The following LRRIQ1 variants were observed in gnomAD, a reference collection of about 807,000 sequenced individuals.
LRRIQ1 encodes leucine-rich repeat- and IQ domain-containing protein 1.
Under a neutral mutation model 211.9 loss-of-function variants are expected in LRRIQ1, and 210 were observed. The ratio of observed to expected loss-of-function variants is 0.99; its 90% confidence interval spans 0.89 to 1.11. LRRIQ1 has a LOEUF of 1.11. Ranked by LOEUF, LRRIQ1 falls within the 50% of genes most tolerant of loss-of-function variation. The probability of loss-of-function intolerance (pLI) is 0.00; values close to 1 mark genes in which losing one functional copy is unlikely to be tolerated. For synonymous variants in LRRIQ1, 699 were observed against 650.1 expected (o/e 1.08, Z -1.14); for missense variants, 2,136 against 1,939.5 (o/e 1.10, Z -1.90).
chr12:85,065,437 A>T, intron 9 of LRRIQ1, 23 bp downstream of exon 9: 1 of 1,510,898 alleles, frequency 6.6e-7, no homozygotes, highest in Non-Finnish European at 8.9e-7. Flanking sequence ...CCCTACTGTT[A>T]TTTATTTTAT....
Position 85,133,671 on chromosome 12 carries a change from A to C in LRRIQ1, c.4210-4179A>C, listed in dbSNP as rs545347935. ...GGATAATTGAATTTTCAAGCCAGAC[A>C]TGTTGGATGGGTAAAGGAGTAGAGT... is the stretch of plus-strand genomic sequence containing the variant. On this transcript the variant is annotated intron_variant, in intron 18 of 26. Transcript: ENST00000393217. Among the ~76,000 whole-genome samples, 3 of 152,212 alleles carry C rather than the reference A, an allele frequency of 2.0e-5. No homozygotes were observed. The East Asian group carries it at 5.8e-4, about 30-fold the overall frequency.
intron 15 of LRRIQ1, among the ~76,000 whole-genome samples, chr12:85,107,402 T>C (rs1645038072): frequency 6.6e-6 from 1 of 152,124 alleles, no homozygotes; most frequent in Admixed American, 6.6e-5. Context: ...GCTTTCATTG[T>C]TTCTGGTGAG....
At chr12:85,256,606 A>G (rs531890218) in intron 1 of LRRIQ1, among the ~76,000 whole-genome samples, 6 of 151,794 alleles carry the variant, frequency 4.0e-5, no homozygotes, top group Non-Finnish European at 5.9e-5. Flanking sequence ...ATCTATTCAC[A>G]AGTCTTCACT....
intron 8 of LRRIQ1, among the ~76,000 whole-genome samples, chr12:85,060,753 A>T (rs771630137): frequency 2.0e-5 from 3 of 151,944 alleles, no homozygotes; most frequent in Non-Finnish European, 4.4e-5. Context: ...AAAGTAAAAA[A>T]AAAATAAAAT....
At chr12:85,099,033 G>T in intron 13 of LRRIQ1, 39 bp downstream of exon 13, 1 of 1,389,482 alleles carries the variant, frequency 7.2e-7, no homozygotes. Flanking sequence ...GTGAATGATT[G>T]TTTAAAATAA....
chr12:85,065,902 T>G (rs1040703641), intron 9 of LRRIQ1, among the ~76,000 whole-genome samples: 2 of 151,930 alleles, frequency 1.3e-5, no homozygotes, highest in Non-Finnish European at 2.9e-5. Flanking sequence ...TCTCTAGTTA[T>G]CTGGGGCTTC....
chr12:85,138,262 C>G (rs1295748994), intron 19 of LRRIQ1, among the ~76,000 whole-genome samples: 1 of 151,494 alleles, frequency 6.6e-6, no homozygotes, highest in Non-Finnish European at 1.5e-5. Context: ...TCAACCTTAT[C>G]AAATTTGTGA....
intron 23 of LRRIQ1, among the ~76,000 whole-genome samples, chr12:85,157,090 A>G (rs1890593449): frequency 6.6e-6 from 1 of 151,926 alleles, no homozygotes; most frequent in African/African-American, 2.4e-5. Context: ...AAAATACAGC[A>G]AAAAGCAGAG....
Position 85,229,609 on chromosome 12 carries a change from G to T in LRRIQ1, c.4915G>T (p.Val1639Phe), listed in dbSNP as rs371519477. 16 of 1,612,348 alleles carry T rather than the reference G, an allele frequency of 9.9e-6. No homozygotes were observed. The highest frequency in any genetic ancestry group is 1.4e-5 in the Non-Finnish European group (16 of 1,179,462). ...EYTYQWLHTQVGVHETTSSRN... is the reference protein window; with the variant it reads ...EYTYQWLHTQFGVHETTSSRN... Reference sequence around the variant, plus strand: ...TACATACCAATGGCTTCACACACAGGTTGGGGTTCATGAAACGACTAGTTC... The same window carrying T: ...TACATACCAATGGCTTCACACACAGTTTGGGGTTCATGAAACGACTAGTTC... Residue 1639 changes from valine (V) to phenylalanine (F), a missense_variant, in exon 25 of 27, where the codon GTT becomes TTT. Val to Phe is a conservative substitution (Grantham distance 50). Coordinates refer to ENST00000393217, the MANE Select transcript of LRRIQ1 (RefSeq NM_001079910.2).
intron 11 of LRRIQ1, 61 bp from the exon 12 acceptor site, chr12:85,098,294 C>A: frequency 1.8e-6 from 2 of 1,139,096 alleles, no homozygotes; most frequent in Non-Finnish European, 2.5e-6. Flanking sequence ...AAAATGGAAA[C>A]TTTCTTCTAG....
At chr12:85,247,693 T>C (rs1895771822), downstream of LRRIQ1, among the ~76,000 whole-genome samples, 1 of 151,650 alleles carries the variant, frequency 6.6e-6, no homozygotes, top group Non-Finnish European at 1.5e-5. Context: ...TAAAGAATAG[T>C]ACCTGTTGTC....
At chr12:85,232,028 G>A (rs1894965805) in intron 25 of LRRIQ1, among the ~76,000 whole-genome samples, 1 of 151,920 alleles carries the variant, frequency 6.6e-6, no homozygotes, top group Non-Finnish European at 1.5e-5. Flanking sequence ...TAGAACAGAT[G>A]TAAAGAAAAA....
intron 26 of LRRIQ1, among the ~76,000 whole-genome samples, chr12:85,241,638 T>C (rs1895466912): frequency 6.6e-6 from 1 of 151,922 alleles, no homozygotes. Flanking sequence ...TTTGAAATAA[T>C]ACTCTAAAAT....
At chr12:85,223,140 A>T (rs990227138) in intron 24 of LRRIQ1, among the ~76,000 whole-genome samples, 3 of 152,180 alleles carry the variant, frequency 2.0e-5, no homozygotes, top group Non-Finnish European at 4.4e-5. Flanking sequence ...GAAATATGAG[A>T]TACAAGAACA....
intron 24 of LRRIQ1, among the ~76,000 whole-genome samples, chr12:85,192,929 A>G (rs1229194835): frequency 1.1e-5 from 1 of 93,984 alleles, no homozygotes; most frequent in African/African-American, 4.4e-5. Context: ...ATAATTATAT[A>G]ATATAATTAT....
chr12:85,181,596 A>G (rs1208610009), intron 24 of LRRIQ1, among the ~76,000 whole-genome samples: 1 of 152,008 alleles, frequency 6.6e-6, no homozygotes. Flanking sequence ...AGAATTTAAA[A>G]TTTATGTACC....
intron 19 of LRRIQ1, among the ~76,000 whole-genome samples, chr12:85,139,753 C>A (rs748331537): frequency 5.9e-5 from 9 of 151,306 alleles, no homozygotes; most frequent in Non-Finnish European, 7.4e-5. Context: ...CATAATCATA[C>A]CTTAATCAAA....
At chr12:85,042,569 C>T (rs1454603629) in intron 3 of LRRIQ1, among the ~76,000 whole-genome samples, 1 of 147,996 alleles carries the variant, frequency 6.8e-6, no homozygotes, top group Non-Finnish European at 1.5e-5. Context: ...TTTAAATTAT[C>T]CTGTGTAATA....
At chr12:85,152,401 A>G (rs1352656498) in intron 20 of LRRIQ1, 32 bp downstream of exon 20, 1 of 1,520,786 alleles carries the variant, frequency 6.6e-7, no homozygotes, top group Non-Finnish European at 9.1e-7. Flanking sequence ...TGAGTCCTCG[A>G]TCTTTGCTCA....
Sources: gnomAD v4.1 joint callset for allele counts (sites outside exome capture counted in the v4.1 genomes callset) on GRCh38, gnomAD v4.1.1 for gene constraint, MANE v1.5 for transcripts, NCBI Gene and HGNC (gene_info 2026-07-23, HGNC 2026-07-21) for gene names.